RABGAP1L: variants seen among roughly 807,000 people sequenced by gnomAD.
RABGAP1L encodes the protein rab GTPase-activating protein 1-like.
Under a neutral mutation model 137.7 loss-of-function variants are expected in RABGAP1L, and 63 were observed. The observed-to-expected ratio is 0.46, with a 90% confidence interval of 0.37 to 0.56. The LOEUF (loss-of-function observed/expected upper bound fraction) is 0.56, where lower values mean the gene tolerates loss of function less well. Ranked by LOEUF, RABGAP1L falls within the 20% of genes least tolerant of loss-of-function variation. The probability of loss-of-function intolerance (pLI) is 0.00; values close to 1 mark genes in which losing one functional copy is unlikely to be tolerated. For synonymous variants in RABGAP1L, 431 were observed against 433.7 expected (o/e 0.99, Z 0.08); for missense variants, 1,095 against 1,244.0 (o/e 0.88, Z 1.80).
intron 19 of RABGAP1L, among the ~76,000 whole-genome samples, chr1:174,931,757 A>T (rs1442650654): frequency 1.3e-5 from 2 of 152,122 alleles, no homozygotes; most frequent in African/African-American, 4.8e-5. Flanking sequence ...TTTATACCAG[A>T]GGTCTTTGTT....
chr1:174,460,143 G>A (rs1184421432), intron 13 of RABGAP1L, among the ~76,000 whole-genome samples: 2 of 152,028 alleles, frequency 1.3e-5, no homozygotes, highest in Non-Finnish European at 2.9e-5. Flanking sequence ...TTTAATTTCT[G>A]ACAATGTTGT....
chr1:174,569,559 C>T (rs528826930), intron 13 of RABGAP1L, among the ~76,000 whole-genome samples: 1 of 152,234 alleles, frequency 6.6e-6, no homozygotes, highest in South Asian at 2.1e-4. Context: ...TCACCTGACA[C>T]GAATCCTTAC....
At chr1:174,845,202 T>C (rs1257803441) in intron 19 of RABGAP1L, among the ~76,000 whole-genome samples, 1 of 102,152 alleles carries the variant, frequency 9.8e-6, no homozygotes, top group Non-Finnish European at 2.3e-5. Flanking sequence ...CTTTTCCTAA[T>C]TGAATACCTT....
At chr1:174,185,863 T>C (rs1666755578) in intron 1 of RABGAP1L, among the ~76,000 whole-genome samples, 1 of 152,048 alleles carries the variant, frequency 6.6e-6, no homozygotes, top group Non-Finnish European at 1.5e-5. Context: ...TTGCTTAAAG[T>C]CGGGGCGCGG....
At chr1:174,904,896 C>T (rs528067787) in intron 19 of RABGAP1L, among the ~76,000 whole-genome samples, 78 of 152,320 alleles carry the variant, frequency 5.1e-4, no homozygotes, top group African/African-American at 1.8e-3. Flanking sequence ...AAGGTATCCT[C>T]CTACCTCAGC....
At chr1:174,291,196 T>G (rs79527531) in intron 10 of RABGAP1L, among the ~76,000 whole-genome samples, 6,342 of 150,802 alleles carry the variant, frequency 0.042, 449 homozygotes, top group African/African-American at 0.15. Flanking sequence ...GTGTTGAAAC[T>G]CTATCAAATA....
intron 15 of RABGAP1L, among the ~76,000 whole-genome samples, chr1:174,685,786 C>A (rs1678415647): frequency 6.6e-6 from 1 of 152,178 alleles, no homozygotes; most frequent in Non-Finnish European, 1.5e-5. Context: ...GTCTCAAACT[C>A]CTGACCTCAA....
At chr1:174,861,943 C>CT (rs1650331622) in intron 19 of RABGAP1L, among the ~76,000 whole-genome samples, 1 of 152,062 alleles carries the variant, frequency 6.6e-6, no homozygotes, top group Non-Finnish European at 1.5e-5. Flanking sequence ...CTGTGCAGAG[C>CT]TTTTTAGTTT....
chr1:174,445,860 C>A (rs1424836805), intron 13 of RABGAP1L, among the ~76,000 whole-genome samples: 2 of 152,032 alleles, frequency 1.3e-5, no homozygotes, highest in Non-Finnish European at 2.9e-5. Context: ...AGGAGAATAC[C>A]TTGAGAAGTT....
chr1:174,696,713 T>C (rs906216408), intron 15 of RABGAP1L, among the ~76,000 whole-genome samples: 2 of 152,174 alleles, frequency 1.3e-5, no homozygotes, highest in Non-Finnish European at 2.9e-5. Context: ...CCCAAGTGCA[T>C]GGATTCTTTC....
At chr1:174,506,526 A>C (rs1372181229) in intron 13 of RABGAP1L, among the ~76,000 whole-genome samples, 1 of 152,234 alleles carries the variant, frequency 6.6e-6, no homozygotes, top group Non-Finnish European at 1.5e-5. Flanking sequence ...ACTGTTTGAC[A>C]AGAAATGAAG....
chr1:174,498,110 G>A (rs1660907946), intron 13 of RABGAP1L, among the ~76,000 whole-genome samples: 1 of 151,792 alleles, frequency 6.6e-6, no homozygotes, highest in African/African-American at 2.4e-5. Context: ...ATATCATTTA[G>A]GCCTTTAAGT....
At chr1:174,903,397 A>C (rs1404375030) in intron 19 of RABGAP1L, among the ~76,000 whole-genome samples, 1 of 152,204 alleles carries the variant, frequency 6.6e-6, no homozygotes, top group Non-Finnish European at 1.5e-5. Context: ...ATAAAGAGAA[A>C]CTTCTTTTAA....
intron 10 of RABGAP1L, among the ~76,000 whole-genome samples, chr1:174,284,174 T>C (rs1271168425): frequency 3.9e-5 from 6 of 152,216 alleles, no homozygotes; most frequent in African/African-American, 1.4e-4. Flanking sequence ...CAATACAATA[T>C]TGTTAACTAT....
intron 12 of RABGAP1L, among the ~76,000 whole-genome samples, chr1:174,393,068 A>C (rs1054513183): frequency 6.6e-6 from 1 of 152,216 alleles, no homozygotes; most frequent in Admixed American, 6.5e-5. Context: ...GCATAGTAGC[A>C]TATTTACTAT....
intron 10 of RABGAP1L, among the ~76,000 whole-genome samples, chr1:174,287,513 G>A (rs941230817): frequency 2.6e-5 from 4 of 152,026 alleles, no homozygotes; most frequent in African/African-American, 9.7e-5. Flanking sequence ...GTTTTGAGAA[G>A]GAGTCTTACT....
intron 17 of RABGAP1L, among the ~76,000 whole-genome samples, chr1:174,733,543 A>G (rs1368480439): frequency 1.3e-5 from 2 of 152,222 alleles, no homozygotes; most frequent in Non-Finnish European, 1.5e-5. Flanking sequence ...TTTACCCAAG[A>G]AGTACTGATC....
At chr1:174,506,067 C>G (rs61826881) in intron 13 of RABGAP1L, among the ~76,000 whole-genome samples, 13,672 of 152,196 alleles carry the variant, frequency 0.09, 835 homozygotes, top group East Asian at 0.22. Flanking sequence ...CACATGATCT[C>G]TTACGTGCAA....
intron 18 of RABGAP1L, among the ~76,000 whole-genome samples, chr1:174,769,941 A>G (rs1685986425): frequency 6.6e-6 from 1 of 152,200 alleles, no homozygotes; most frequent in African/African-American, 2.4e-5. Flanking sequence ...CTTGGGTTAA[A>G]AGTTCTTGTT....
Sources: allele counts gnomAD v4.1 joint callset (sites outside exome capture counted in the v4.1 genomes callset), GRCh38; gene constraint gnomAD v4.1.1; transcripts MANE v1.5; gene names NCBI Gene and HGNC (gene_info 2026-07-23, HGNC 2026-07-21).